The following TMEM132B variants were observed in gnomAD, a reference collection of about 807,000 sequenced individuals.
TMEM132B encodes transmembrane protein 132B.
TMEM132B carries 18 observed loss-of-function variants against 90.8 expected under a neutral mutation model. The observed-to-expected ratio is 0.20, with a 90% confidence interval of 0.14 to 0.29. TMEM132B has a LOEUF of 0.29. Ranked by LOEUF, TMEM132B falls within the 10% of genes least tolerant of loss-of-function variation. The pLI is 1.00. For synonymous variants in TMEM132B, 504 were observed against 523.3 expected (o/e 0.96, Z 0.50); for missense variants, 1,096 against 1,326.8 (o/e 0.83, Z 2.70).
At chr12:125,546,814 G>C (rs560939397) in intron 4 of TMEM132B, among the ~76,000 whole-genome samples, 1 of 152,272 alleles carries the variant, frequency 6.6e-6, no homozygotes, top group South Asian at 2.1e-4. Context: ...GATGGGTACT[G>C]TATTAATCTG....
At chr12:125,259,952 TC>T (rs1194723347) in intron 1 of TMEM132B, among the ~76,000 whole-genome samples, 1 of 152,074 alleles carries the variant, frequency 6.6e-6, no homozygotes, top group African/African-American at 2.4e-5. Flanking sequence ...GTCTCTTCAC[TC>T]ATTTGTGGAT....
chr12:125,331,438 G>A (rs1876769366), intron 1 of TMEM132B, among the ~76,000 whole-genome samples: 1 of 152,238 alleles, frequency 6.6e-6, no homozygotes, highest in African/African-American at 2.4e-5. Flanking sequence ...TCTTTCCCGA[G>A]TTCTCCGTGG....
chr12:125,591,004 T>C (rs1238582348), intron 5 of TMEM132B, among the ~76,000 whole-genome samples: 1 of 151,992 alleles, frequency 6.6e-6, no homozygotes, highest in African/African-American at 2.4e-5. Flanking sequence ...GCATTGTGTG[T>C]ACGCATGCAC....
At chr12:125,227,813 T>C (rs1873716497) in intron 1 of TMEM132B, among the ~76,000 whole-genome samples, 1 of 152,020 alleles carries the variant, frequency 6.6e-6, no homozygotes, top group Admixed American at 6.6e-5. Flanking sequence ...TGAACAAAAG[T>C]ACCAGGAATG....
chr12:125,318,920 GA>G (rs1310244387), intron 1 of TMEM132B, among the ~76,000 whole-genome samples: 1 of 152,156 alleles, frequency 6.6e-6, no homozygotes, highest in African/African-American at 2.4e-5. Flanking sequence ...TATAGCTAAG[GA>G]AAAAATTAGT....
rs534109694 is a variant in TMEM132B, at chr12:125,578,966, G to A, written c.1294-4885G>A. Among the ~76,000 whole-genome samples, 38 of 152,196 alleles carry A rather than the reference G, an allele frequency of 2.5e-4. No homozygotes were observed. In the South Asian group the frequency reaches 7.3e-3, roughly 29 times the overall value. On this transcript the variant is annotated intron_variant, in intron 4 of 8. Transcript: ENST00000682704. ...TTTTGAGTTCGCTGAACTCTTGGAC[G>A]TGCAGATTAATGTTTTTAATAAAAT...
intron 1 of TMEM132B, among the ~76,000 whole-genome samples, chr12:125,279,021 T>C (rs1875084636): frequency 6.6e-6 from 1 of 152,196 alleles, no homozygotes; most frequent in Admixed American, 6.5e-5. Context: ...TGTGTCTACC[T>C]TGCCCAACAG....
intron 3 of TMEM132B, among the ~76,000 whole-genome samples, chr12:125,518,582 C>G (rs1331959588): frequency 6.6e-6 from 1 of 152,186 alleles, no homozygotes; most frequent in Non-Finnish European, 1.5e-5. Flanking sequence ...TGCTGCATGG[C>G]TTTCTGTTTT....
At chr12:125,436,345 T>G (rs1472056902) in intron 3 of TMEM132B, among the ~76,000 whole-genome samples, 1 of 152,200 alleles carries the variant, frequency 6.6e-6, no homozygotes, top group African/African-American at 2.4e-5. Flanking sequence ...TGCCATGCTC[T>G]CTTCCTGTTA....
At position 125,320,442 on chromosome 12, in the gene TMEM132B, TA is replaced by T. The variant is rs1876398421; in HGVS notation, c.68-29008del. ...GGTTCAGGGAGGGGGATTACTTTAA[TA>T]AGATTTGCCAACAGGCTTTGAAACA... On this transcript the variant is annotated intron_variant, in intron 1 of 8. Transcript: ENST00000682704. Among the ~76,000 whole-genome samples the T allele has an allele frequency of 2.0e-5, 3 of 152,322 alleles. No homozygotes were observed. In the South Asian group the frequency reaches 6.2e-4, roughly 32 times the overall value.
chr12:125,334,732 T>C (rs1161271061), intron 1 of TMEM132B, among the ~76,000 whole-genome samples: 1 of 152,250 alleles, frequency 6.6e-6, no homozygotes, highest in African/African-American at 2.4e-5. Flanking sequence ...GTGAATGCTA[T>C]ATGCAAATAG....
intron 4 of TMEM132B, among the ~76,000 whole-genome samples, chr12:125,563,368 G>A (rs537106973): frequency 6.6e-6 from 1 of 152,122 alleles, no homozygotes; most frequent in African/African-American, 2.4e-5. Context: ...CAGCACTTTG[G>A]GAGGCTGAGG....
chr12:125,496,486 C>T (rs1190832669), intron 3 of TMEM132B, among the ~76,000 whole-genome samples: 1 of 152,106 alleles, frequency 6.6e-6, no homozygotes, highest in African/African-American at 2.4e-5. Flanking sequence ...TCATGATAGG[C>T]TTTAATGCTC....
intron 3 of TMEM132B, among the ~76,000 whole-genome samples, chr12:125,472,732 G>A (rs1303399128): frequency 6.6e-6 from 1 of 152,172 alleles, no homozygotes; most frequent in Non-Finnish European, 1.5e-5. Flanking sequence ...TGCCATGTAA[G>A]GAGGCACTGA....
At chr12:125,203,182 C>G (rs1439122941) in intron 1 of TMEM132B, among the ~76,000 whole-genome samples, 2 of 152,168 alleles carry the variant, frequency 1.3e-5, no homozygotes, top group Non-Finnish European at 2.9e-5. Context: ...CTGTGAGACA[C>G]AGAGTGGAAG....
intron 4 of TMEM132B, among the ~76,000 whole-genome samples, chr12:125,552,788 T>C (rs1444303696): frequency 6.6e-6 from 1 of 152,238 alleles, no homozygotes; most frequent in Non-Finnish European, 1.5e-5. Context: ...ATTTTTGTGG[T>C]TTTAGAATCT....
At chr12:125,258,209 G>A (rs193157780) in intron 1 of TMEM132B, among the ~76,000 whole-genome samples, 2 of 152,266 alleles carry the variant, frequency 1.3e-5, no homozygotes, top group Admixed American at 6.5e-5. Flanking sequence ...AGTAAGTGCC[G>A]TGTTCCAGGT....
At chr12:125,300,682 G>C (rs1404351057) in intron 1 of TMEM132B, among the ~76,000 whole-genome samples, 2 of 152,180 alleles carry the variant, frequency 1.3e-5, no homozygotes, top group East Asian at 3.9e-4. Context: ...TGAGGTAGGA[G>C]GAGCCGTCAT....
At chr12:125,478,269 C>T (rs543476918) in intron 3 of TMEM132B, among the ~76,000 whole-genome samples, 55 of 152,220 alleles carry the variant, frequency 3.6e-4, no homozygotes, top group African/African-American at 1.3e-3. Flanking sequence ...GAATGACTGA[C>T]GATTTGACAG....
Sources: allele counts gnomAD v4.1 joint callset (sites outside exome capture counted in the v4.1 genomes callset), GRCh38; gene constraint gnomAD v4.1.1; transcripts MANE v1.5; gene names NCBI Gene and HGNC (gene_info 2026-07-23, HGNC 2026-07-21).